Variants in MAK observed in about 807,000 individuals in gnomAD.
MAK encodes the protein male germ cell associated kinase.
Under a neutral mutation model 82.6 loss-of-function variants are expected in MAK, and 65 were observed. That is an observed-to-expected ratio of 0.79 (90% confidence interval 0.64 to 0.97). MAK has a LOEUF of 0.97. Ranked by LOEUF, MAK falls within the 50% of genes least tolerant of loss-of-function variation. The pLI is 0.00. For missense variants in MAK, 703 were observed against 780.2 expected (o/e 0.90, Z 1.18); for synonymous variants, 250 against 274.2 (o/e 0.91, Z 0.87).
intron 10 of MAK, 49 bp from the exon 11 acceptor site, chr6:10,784,621 C>G: frequency 6.6e-7 from 1 of 1,504,892 alleles, no homozygotes; most frequent in Non-Finnish European, 9.1e-7. Flanking sequence ...ACGAGAGGAT[C>G]TCGCCCACCC....
intron 8 of MAK, chr6:10,797,638 T>A: frequency 5.1e-6 from 5 of 985,410 alleles, no homozygotes; most frequent in Non-Finnish European, 6.0e-6. Flanking sequence ...GCTGGTCATT[T>A]TTGGGGGGAT....
chr6:10,792,759 G>A (rs1775192518), intron 9 of MAK, among the ~76,000 whole-genome samples: 1 of 152,218 alleles, frequency 6.6e-6, no homozygotes, highest in Admixed American at 6.5e-5. Flanking sequence ...GCTATTGCTT[G>A]AAGCTGACGG....
At chr6:10,795,951 G>C in intron 9 of MAK, 47 bp downstream of exon 9, 1 of 1,576,900 alleles carries the variant, frequency 6.3e-7, no homozygotes. Context: ...AATCTTAATT[G>C]CACGAGTCAA....
chr6:10,793,402 G>A lies in MAK; in HGVS notation c.1144-1555C>T, dbSNP rs1775247433. On this transcript the variant is annotated intron_variant, in intron 9 of 14. Transcript: ENST00000354489. The surrounding 1 kb of genome is among the most constrained non-coding windows in gnomAD (Gnocchi z 4.6). ...TTCTATTCATCATGAAGATTCAGGA[G>A]CAAAACAGACAACTAAACAAATACA... 6.6e-6 allele frequency among the ~76,000 whole-genome samples: 1 copy of A among 152,134 alleles called. No individual in the cohort carries two copies. The highest frequency in any genetic ancestry group is 2.4e-5 in the African/African-American group (1 of 41,428).
intron 13 of MAK, among the ~76,000 whole-genome samples, chr6:10,771,016 G>A (rs776315720): frequency 6.6e-6 from 1 of 152,098 alleles, no homozygotes; most frequent in Non-Finnish European, 1.5e-5. Flanking sequence ...TGGGGGGTGC[G>A]TTGTCCATGA....
chr6:10,815,024 G>A (rs865930188), intron 4 of MAK, among the ~76,000 whole-genome samples: 1 of 148,728 alleles, frequency 6.7e-6, no homozygotes, highest in African/African-American at 2.5e-5. Context: ...GTGAAAGAGC[G>A]AGACTCCATC....
intron 2 of MAK, among the ~76,000 whole-genome samples, chr6:10,828,265 G>A (rs1411142498): frequency 6.6e-6 from 1 of 152,070 alleles, no homozygotes; most frequent in African/African-American, 2.4e-5. Flanking sequence ...GTGGAGATGC[G>A]TATCCCATGA....
chr6:10,768,728 A>AT (rs1197903311), intron 14 of MAK, among the ~76,000 whole-genome samples: 1 of 152,246 alleles, frequency 6.6e-6, no homozygotes, highest in Non-Finnish European at 1.5e-5. Flanking sequence ...CTTTTCACAG[A>AT]TAAGGTAACT....
chr6:10,782,202 T>TCA lies in MAK; in HGVS notation c.1465+2220_1465+2221dup, dbSNP rs746386493. On this transcript the variant is annotated intron_variant, in intron 11 of 14. Coordinates refer to ENST00000354489, the MANE Select transcript of MAK (RefSeq NM_001242957.3). ...AGCCTGGGCAACGAGTGAAACTCTGTCACACACACACACACACACACACAC... is the reference window on the plus strand; with the variant it reads ...AGCCTGGGCAACGAGTGAAACTCTGTCACACACACACACACACACACACACAC... Among the ~76,000 whole-genome samples, 612 of 146,116 alleles carry TCA rather than the reference T, an allele frequency of 4.2e-3. 3 individuals are homozygous for TCA. Among genetic ancestry groups the TCA allele is most frequent in the South Asian group, 5.1e-3 (23 of 4,500 alleles).
intron 10 of MAK, 71 bp from the exon 11 acceptor site, chr6:10,784,643 C>CGCCCACCCTCTGCACATCTT: frequency 7.3e-7 from 1 of 1,376,212 alleles, no homozygotes; most frequent in South Asian, 1.1e-5. Flanking sequence ...CTGCACATCT[C>CGCCCACCCTCTGCACATCTT]GCCCACCCTC....
At chr6:10,815,911 AGTATATATATATAT>A (rs1777436143) in intron 4 of MAK, among the ~76,000 whole-genome samples, 2 of 78,190 alleles carry the variant, frequency 2.6e-5, no homozygotes, top group South Asian at 8.0e-4. Flanking sequence ...AGCTTTATAC[AGTATATATATATAT>A]ATATATATAT....
intron 4 of MAK, among the ~76,000 whole-genome samples, chr6:10,815,912 GTATATATA>G (rs3064109): frequency 0.027 from 2,887 of 108,324 alleles, 112 homozygotes; most frequent in Middle Eastern, 0.057. Context: ...GCTTTATACA[GTATATATA>G]TATATATATA....
intron 11 of MAK, among the ~76,000 whole-genome samples, chr6:10,778,132 T>TA (rs1168580039): frequency 1.3e-5 from 2 of 152,152 alleles, no homozygotes; most frequent in Non-Finnish European, 2.9e-5. Context: ...TCAAAGGACA[T>TA]AAAAAAGTCA....
chr6:10,834,876 AC>A (rs1562013311), intron 1 of MAK, among the ~76,000 whole-genome samples: 2 of 152,126 alleles, frequency 1.3e-5, no homozygotes. Flanking sequence ...CAAAGAATGC[AC>A]TCAGACACAG....
Position 10,803,827 on chromosome 6 carries a change from C to G in MAK, c.556G>C (p.Val186Leu). 1 of 1,614,032 alleles carries G rather than the reference C, an allele frequency of 6.2e-7. No homozygotes were observed. The highest frequency in any genetic ancestry group is 8.5e-7 in the Non-Finnish European group (1 of 1,179,954). Residue 186 changes from valine to leucine, a missense_variant, in exon 7 of 15, where the codon GTT (valine) becomes CTT (leucine). Val to Leu is a conservative substitution (Grantham distance 32, BLOSUM62 1). Transcript: ENST00000354489. ...VYSSPIDVWAVGSIMAELYML... is the reference protein window; with the variant it reads ...VYSSPIDVWALGSIMAELYML... ...TAGAGTTCAGCCATGATACTTCCAA[C>G]AGCCCACACATCAATGGGAGAACTA...
intron 2 of MAK, among the ~76,000 whole-genome samples, chr6:10,829,993 T>A (rs772900599): frequency 6.6e-6 from 1 of 151,770 alleles, no homozygotes; most frequent in Non-Finnish European, 1.5e-5. Context: ...TGCACCACCA[T>A]GCCTGGCTAA....
chr6:10,802,314 T>C, intron 7 of MAK: 2 of 424,654 alleles, frequency 4.7e-6, no homozygotes, highest in Non-Finnish European at 8.5e-6. Context: ...TGTTTTTTTG[T>C]GTTTTTTTTG....
At chr6:10,794,541 G>T (rs1775349432) in intron 9 of MAK, among the ~76,000 whole-genome samples, 1 of 152,174 alleles carries the variant, frequency 6.6e-6, no homozygotes, top group South Asian at 2.1e-4. Flanking sequence ...AATAGATACA[G>T]TGCTGTATAA....
intron 8 of MAK, among the ~76,000 whole-genome samples, chr6:10,798,799 A>ATTTAT (rs1468391023): frequency 1.4e-5 from 2 of 144,912 alleles, no homozygotes; most frequent in Non-Finnish European, 3.0e-5. Context: ...GTTTAGAAAC[A>ATTTAT]TTATTTATTT....
Sources: allele counts gnomAD v4.1 joint callset (sites outside exome capture counted in the v4.1 genomes callset), GRCh38; gene constraint gnomAD v4.1.1; non-coding constraint Gnocchi (gnomAD v3.1); transcripts MANE v1.5; gene names NCBI Gene and HGNC (gene_info 2026-07-23, HGNC 2026-07-21).